Variants in GPR158 observed in about 807,000 individuals in gnomAD.
The protein encoded by GPR158 is metabotropic glycine receptor.
Under a neutral mutation model 78.2 loss-of-function variants are expected in GPR158, and 30 were observed. The ratio of observed to expected loss-of-function variants is 0.38; its 90% CI spans 0.29 to 0.52. The LOEUF (loss-of-function observed/expected upper bound fraction) is 0.52, where lower values mean the gene tolerates loss of function less well. Ranked by LOEUF, GPR158 falls within the 20% of genes least tolerant of loss-of-function variation. The pLI is 0.83. For missense variants in GPR158, 1,463 were observed against 1,523.5 expected, an observed-to-expected ratio of 0.96 and a Z score of 0.66; for synonymous variants, 581 against 591.1, an observed-to-expected ratio of 0.98 and a Z score of 0.25.
rs370013176 is a variant in GPR158 at position 25,291,032 on chromosome 10, C to T, written c.1008+69875C>T. 2.0e-5 allele frequency among the ~76,000 whole-genome samples: 3 copies of T among 151,890 alleles called. No homozygotes were observed. The East Asian group carries it at 5.8e-4, about 29-fold the overall frequency. Reference sequence around the variant, plus strand: ...AATTATCTTAATATTTGCACATTGCCTTCTGCATGCAGCCATATTTTTAAC... The same window carrying T: ...AATTATCTTAATATTTGCACATTGCTTTCTGCATGCAGCCATATTTTTAAC... On this transcript the variant is annotated intron_variant, in intron 2 of 10. Transcript: ENST00000376351.
intron 1 of GPR158, among the ~76,000 whole-genome samples, chr10:25,193,282 C>T (rs748458262): frequency 1.3e-5 from 2 of 152,026 alleles, no homozygotes; most frequent in African/African-American, 2.4e-5. Flanking sequence ...GGGAACGTGG[C>T]AGAGAATGGC....
At chr10:25,224,827 G>A (rs1029492334) in intron 2 of GPR158, among the ~76,000 whole-genome samples, 2 of 152,036 alleles carry the variant, frequency 1.3e-5, no homozygotes, top group Non-Finnish European at 2.9e-5. Flanking sequence ...ATTGGTCCTC[G>A]CAAACTAATT....
chr10:25,260,118 A>G (rs1564404795), intron 2 of GPR158, among the ~76,000 whole-genome samples: 1 of 152,284 alleles, frequency 6.6e-6, no homozygotes, highest in East Asian at 1.9e-4. Flanking sequence ...CTGCTTTTTA[A>G]AGAACGAGGT....
intron 2 of GPR158, among the ~76,000 whole-genome samples, chr10:25,241,154 TTTCTTTCTTTCTTTCTTTC>T (rs1853603187): frequency 8.1e-6 from 1 of 123,326 alleles, no homozygotes; most frequent in Non-Finnish European, 1.6e-5. Flanking sequence ...TCTTTCTTTC[TTTCTTTCTTTCTTTCTTTC>T]TTTCTTTCTT....
intron 7 of GPR158, among the ~76,000 whole-genome samples, chr10:25,574,888 GAAAT>G (rs554703192): frequency 1.3e-5 from 2 of 151,820 alleles, no homozygotes; most frequent in South Asian, 4.2e-4. Context: ...TTGTCTCAAA[GAAAT>G]AAAAAACAAA....
intron 2 of GPR158, among the ~76,000 whole-genome samples, chr10:25,358,246 AGACTTTG>A (rs113423643): frequency 0.099 from 15,093 of 152,002 alleles, 1,835 homozygotes; most frequent in African/African-American, 0.3. Flanking sequence ...GTTTTGGATG[AGACTTTG>A]GACTGTGGAC....
chr10:25,584,131 C>T (rs947804219), intron 7 of GPR158, among the ~76,000 whole-genome samples: 2 of 121,504 alleles, frequency 1.6e-5, no homozygotes, highest in East Asian at 2.7e-4. Flanking sequence ...GAAAGGATCT[C>T]GAAATATAAA....
chr10:25,395,841 G>T, intron 2 of GPR158, 70 bp from the exon 3 acceptor site: 1 of 632,856 alleles, frequency 1.6e-6, no homozygotes, highest in Non-Finnish European at 2.8e-6. Flanking sequence ...TGCAATGATG[G>T]ATATCTGCGA....
chr10:25,188,796 A>G (rs1364757787), intron 1 of GPR158, among the ~76,000 whole-genome samples: 1 of 152,210 alleles, frequency 6.6e-6, no homozygotes, highest in East Asian at 1.9e-4. Flanking sequence ...ATCTAATTAA[A>G]CTAAAGAGCT....
chr10:25,192,260 C>T (rs2130643690), intron 1 of GPR158, among the ~76,000 whole-genome samples: 1 of 152,314 alleles, frequency 6.6e-6, no homozygotes, highest in South Asian at 2.1e-4. Context: ...AGGTGCCTTG[C>T]TTCTCCTTCA....
At chr10:25,197,156 G>A (rs189347343) in intron 1 of GPR158, among the ~76,000 whole-genome samples, 1 of 152,302 alleles carries the variant, frequency 6.6e-6, no homozygotes, top group Admixed American at 6.5e-5. Flanking sequence ...TTTTAAACAA[G>A]AACGTGAACC....
At chr10:25,226,865 G>A (rs941982431) in intron 2 of GPR158, among the ~76,000 whole-genome samples, 1 of 152,138 alleles carries the variant, frequency 6.6e-6, no homozygotes, top group Non-Finnish European at 1.5e-5. Flanking sequence ...TAAACAAAAT[G>A]TTTTTTGTAG....
intron 7 of GPR158, among the ~76,000 whole-genome samples, chr10:25,580,906 T>TA (rs1837184730): frequency 2.2e-5 from 2 of 90,666 alleles, no homozygotes; most frequent in African/African-American, 1.5e-4. Flanking sequence ...TTTTATTTTT[T>TA]TATTTTATTT....
intron 2 of GPR158, among the ~76,000 whole-genome samples, chr10:25,324,417 C>T (rs1379027770): frequency 6.6e-6 from 1 of 152,112 alleles, no homozygotes; most frequent in Non-Finnish European, 1.5e-5. Flanking sequence ...TATGGGAGAA[C>T]AGCTGGTTTG....
At chr10:25,230,115 A>G (rs1158759468) in intron 2 of GPR158, among the ~76,000 whole-genome samples, 1 of 152,208 alleles carries the variant, frequency 6.6e-6, no homozygotes, top group Non-Finnish European at 1.5e-5. Context: ...CAAAGTTAAA[A>G]TCAGTGACTA....
At chr10:25,433,170 C>T (rs146330181) in intron 4 of GPR158, among the ~76,000 whole-genome samples, 2 of 152,244 alleles carry the variant, frequency 1.3e-5, no homozygotes, top group East Asian at 3.9e-4. Context: ...ACTTTACAGC[C>T]CATCATACCT....
chr10:25,275,179 G>A (rs1386187049), intron 2 of GPR158, among the ~76,000 whole-genome samples: 1 of 152,140 alleles, frequency 6.6e-6, no homozygotes, highest in Non-Finnish European at 1.5e-5. Flanking sequence ...AGTTTCATAG[G>A]AAATTTTATA....
intron 5 of GPR158, among the ~76,000 whole-genome samples, chr10:25,501,009 A>G (rs1411133916): frequency 1.3e-5 from 2 of 152,210 alleles, no homozygotes; most frequent in Non-Finnish European, 2.9e-5. Context: ...ATGCATTGGT[A>G]TCAGCCTATC....
chr10:25,286,689 C>CT (rs918806371), intron 2 of GPR158, among the ~76,000 whole-genome samples: 1 of 151,452 alleles, frequency 6.6e-6, no homozygotes, highest in African/African-American at 2.4e-5. Context: ...AAGTAGATAG[C>CT]TTTTTTTTGT....
Sources: allele counts gnomAD v4.1 joint callset (sites outside exome capture counted in the v4.1 genomes callset), GRCh38; gene constraint gnomAD v4.1.1; transcripts MANE v1.5; gene names NCBI Gene and HGNC (gene_info 2026-07-23, HGNC 2026-07-21).